The following HTR2C variants were observed in gnomAD, a reference collection of about 807,000 sequenced individuals.
HTR2C encodes 5-hydroxytryptamine (serotonin) receptor 2C, G protein-coupled.
Under a neutral mutation model 21.0 loss-of-function variants are expected in HTR2C, and 5 were observed. That is an observed-to-expected ratio of 0.24 (90% CI 0.12 to 0.50). The LOEUF (loss-of-function observed/expected upper bound fraction) is 0.50. HTR2C is among the 20% of genes least tolerant of loss of function. The pLI is 0.98. For missense variants in HTR2C, 271 were observed against 371.2 expected, an observed-to-expected ratio of 0.73 and a Z score of 2.22; for synonymous variants, 150 against 145.3, an observed-to-expected ratio of 1.03 and a Z score of -0.23.
intron 4 of HTR2C, among the ~76,000 whole-genome samples, chrX:114,837,023 A>G: frequency 9.0e-6 from 1 of 111,675 alleles, no homozygotes; most frequent in Admixed American, 9.6e-5. Flanking sequence ...ATTATTAAAT[A>G]TTTGAGAGAC....
intron 5 of HTR2C, among the ~76,000 whole-genome samples, chrX:114,871,581 A>G (rs1183589218): frequency 1.8e-5 from 2 of 109,388 alleles, no homozygotes; most frequent in African/African-American, 6.6e-5. Flanking sequence ...TTTTTGTGCC[A>G]GTAACAATAA....
At chrX:114,679,201 C>T (rs958334998) in intron 2 of HTR2C, among the ~76,000 whole-genome samples, 1 of 111,285 alleles carries the variant, frequency 9.0e-6, no homozygotes, top group Admixed American at 9.6e-5. Flanking sequence ...ATATACTTTG[C>T]TTTTTCTACA....
At chrX:114,674,086 T>C (rs1409957383) in intron 2 of HTR2C, among the ~76,000 whole-genome samples, 3 of 112,359 alleles carry the variant, frequency 2.7e-5, no homozygotes, top group African/African-American at 9.7e-5. Context: ...CTCAAGGCAA[T>C]GCAGGGGCAC....
At chrX:114,802,318 C>G (rs2070354174) in intron 4 of HTR2C, among the ~76,000 whole-genome samples, 1 of 111,033 alleles carries the variant, frequency 9.0e-6, no homozygotes, top group South Asian at 3.7e-4. Context: ...CCTCTGGAAG[C>G]TAGCTGCAAA....
intron 4 of HTR2C, among the ~76,000 whole-genome samples, chrX:114,796,436 C>T (rs781916177): frequency 9.0e-6 from 1 of 111,233 alleles, no homozygotes; most frequent in Non-Finnish European, 1.9e-5. Flanking sequence ...CAGCAGAGGT[C>T]GCTGAAAGGA....
chrX:114,651,980 T>A (rs782092673), intron 2 of HTR2C, among the ~76,000 whole-genome samples: 1 of 111,775 alleles, frequency 8.9e-6, no homozygotes. Flanking sequence ...AGATGCTATT[T>A]ACAGATGATA....
At chrX:114,691,705 G>A (rs1373911140) in intron 2 of HTR2C, among the ~76,000 whole-genome samples, 1 of 111,212 alleles carries the variant, frequency 9.0e-6, no homozygotes, top group East Asian at 2.8e-4. Context: ...GACATAGTTC[G>A]GATTCACTTG....
rs1026846096 is a variant in HTR2C, at chrX:114,753,852, G to A, written c.349+22245G>A. ...AAAGATATCAGTTCTTCCTCTATTA[G>A]TTTGTTAGAGCTGCCATAACAAACT... On this transcript the variant is annotated intron_variant, in intron 4 of 5. Transcript: ENST00000276198. Among the ~76,000 whole-genome samples, 5 of 111,733 alleles carry A rather than the reference G, an allele frequency of 4.5e-5. No individual in the cohort carries two copies. In the South Asian group the frequency reaches 1.5e-3, roughly 33 times the overall value.
At chrX:114,835,964 C>T (rs1238265588) in intron 4 of HTR2C, among the ~76,000 whole-genome samples, 21 of 108,190 alleles carry the variant, frequency 1.9e-4, no homozygotes, top group Admixed American at 1.7e-3. Flanking sequence ...AATACCCTGC[C>T]GTGTGAGGTG....
chrX:114,729,699 T>C (rs1281514393), intron 3 of HTR2C, among the ~76,000 whole-genome samples: 4 of 111,979 alleles, frequency 3.6e-5, no homozygotes, highest in African/African-American at 9.7e-5. Flanking sequence ...TCTCTGATAA[T>C]GGTAGTCAGC....
At chrX:114,625,647 C>T (rs1929342008) in intron 2 of HTR2C, among the ~76,000 whole-genome samples, 1 of 112,073 alleles carries the variant, frequency 8.9e-6, no homozygotes, top group Non-Finnish European at 1.9e-5. Context: ...AAATAAATCA[C>T]CCAGCCTCAG....
intron 4 of HTR2C, among the ~76,000 whole-genome samples, chrX:114,837,893 G>T (rs1004490841): frequency 3.6e-5 from 4 of 111,072 alleles, no homozygotes; most frequent in Non-Finnish European, 7.6e-5. Flanking sequence ...TATAATATTT[G>T]TTGTAGGTTC....
intron 5 of HTR2C, among the ~76,000 whole-genome samples, chrX:114,868,937 A>G (rs1556475455): frequency 3.6e-5 from 4 of 110,143 alleles, no homozygotes. Flanking sequence ...GGTTTGCTGC[A>G]CCCATCAACT....
intron 5 of HTR2C, among the ~76,000 whole-genome samples, chrX:114,873,238 A>T (rs1341282044): frequency 2.7e-5 from 3 of 110,959 alleles, no homozygotes; most frequent in Non-Finnish European, 3.8e-5. Flanking sequence ...TTGGGTTTAA[A>T]CCGAATCTTT....
intron 5 of HTR2C, among the ~76,000 whole-genome samples, chrX:114,873,752 C>T (rs2071110331): frequency 9.0e-6 from 1 of 111,605 alleles, no homozygotes; most frequent in Non-Finnish European, 1.9e-5. Flanking sequence ...AATCAAGCTA[C>T]TTAAAATGTC....
intron 5 of HTR2C, among the ~76,000 whole-genome samples, chrX:114,899,400 G>T (rs2071320481): frequency 9.0e-6 from 1 of 111,088 alleles, no homozygotes; most frequent in African/African-American, 3.3e-5. Context: ...AGACACCTTT[G>T]TTGGGGATCC....
intron 4 of HTR2C, among the ~76,000 whole-genome samples, chrX:114,788,050 A>G (rs1271449158): frequency 6.3e-5 from 7 of 111,144 alleles, no homozygotes; most frequent in African/African-American, 2.3e-4. Flanking sequence ...GAAGAATGAG[A>G]AAATCCTGTT....
chrX:114,751,253 G>A (rs1339631224), intron 4 of HTR2C, among the ~76,000 whole-genome samples: 2 of 110,926 alleles, frequency 1.8e-5, no homozygotes, highest in East Asian at 5.7e-4. Context: ...AGTATACCAA[G>A]CACACATCTA....
At chrX:114,788,026 T>G (rs1255454360) in intron 4 of HTR2C, among the ~76,000 whole-genome samples, 2 of 110,773 alleles carry the variant, frequency 1.8e-5, no homozygotes, top group Non-Finnish European at 3.8e-5. Flanking sequence ...CATTTTGAGT[T>G]CAGATAAGGG....
Sources: gnomAD v4.1 joint callset for allele counts (sites outside exome capture counted in the v4.1 genomes callset) on GRCh38, gnomAD v4.1.1 for gene constraint, MANE v1.5 for transcripts, NCBI Gene and HGNC (gene_info 2026-07-23, HGNC 2026-07-21) for gene names.